Variants in ECT2L observed in about 807,000 individuals in gnomAD.
ECT2L encodes epithelial cell-transforming sequence 2 oncogene-like.
In ECT2L, 126 loss-of-function variants were observed where a neutral mutation model predicts 122.8. That is an observed-to-expected ratio of 1.03 (90% CI 0.89 to 1.19). The LOEUF (loss-of-function observed/expected upper bound fraction) is 1.19. Among genes scored for constraint, ECT2L ranks in the 50% most tolerant of loss-of-function variants. The pLI, the probability that ECT2L is intolerant of heterozygous loss-of-function variation, is 0.00. For missense variants in ECT2L, 1,012 were observed against 1,064.1 expected, an observed-to-expected ratio of 0.95 and a Z score of 0.68; for synonymous variants, 385 against 381.8, an observed-to-expected ratio of 1.01 and a Z score of -0.10.
chr6:138,846,713 G>T, intron 8 of ECT2L, 36 bp downstream of exon 8: 1 of 1,416,918 alleles, frequency 7.1e-7, no homozygotes, highest in Non-Finnish European at 9.3e-7. Context: ...TGTCCTGATT[G>T]TTTTTTTGTT....
At chr6:138,849,182 G>A (rs571119233) in intron 8 of ECT2L, 87 bp from the exon 9 acceptor site, 90 of 1,264,912 alleles carry the variant, frequency 7.1e-5, no homozygotes, top group African/African-American at 1.2e-4. Flanking sequence ...AAATCACGGC[G>A]TATTTTGTAT....
chr6:138,819,585 C>T (rs1776199291), intron 4 of ECT2L, among the ~76,000 whole-genome samples: 1 of 152,158 alleles, frequency 6.6e-6, no homozygotes, highest in Admixed American at 6.5e-5. Context: ...CACATAGCAG[C>T]CACTCAATAA....
chr6:138,882,123 A>G (rs1210572408), intron 15 of ECT2L, among the ~76,000 whole-genome samples: 2 of 152,228 alleles, frequency 1.3e-5, no homozygotes, highest in East Asian at 1.9e-4. Context: ...TTTCAAGTGC[A>G]TAACATGAGA....
chr6:138,841,551 G>C (rs1050259095), intron 5 of ECT2L, among the ~76,000 whole-genome samples: 1 of 152,170 alleles, frequency 6.6e-6, no homozygotes, highest in Non-Finnish European at 1.5e-5. Flanking sequence ...CCGTCTTAGT[G>C]GGCCCTAAAT....
chr6:138,803,076 CAA>C (rs57166230), intron 1 of ECT2L, among the ~76,000 whole-genome samples: 1 of 94,336 alleles, frequency 1.1e-5, no homozygotes, highest in Non-Finnish European at 2.0e-5. Flanking sequence ...GAGACTGTCT[CAA>C]AAAAAAAAAA....
At chr6:138,863,772 C>A (rs1173337713) in intron 11 of ECT2L, among the ~76,000 whole-genome samples, 3 of 151,552 alleles carry the variant, frequency 2.0e-5, no homozygotes, top group African/African-American at 7.3e-5. Flanking sequence ...TGTGCCACCA[C>A]GCCCGACTAA....
intron 3 of ECT2L, 61 bp from the exon 4 acceptor site, chr6:138,814,430 C>T: frequency 2.9e-6 from 3 of 1,039,678 alleles, no homozygotes; most frequent in Non-Finnish European, 4.3e-6. Flanking sequence ...CTAAAGATTG[C>T]TTAGCAATTA....
intron 10 of ECT2L, among the ~76,000 whole-genome samples, chr6:138,859,153 AATGGC>A (rs1380514476): frequency 3.3e-5 from 5 of 152,150 alleles, no homozygotes; most frequent in Non-Finnish European, 4.4e-5. Flanking sequence ...ATCTTCTATA[AATGGC>A]ATCATACAGT....
chr6:138,882,664 T>C, intron 15 of ECT2L, 60 bp from the exon 16 acceptor site: 1 of 1,589,512 alleles, frequency 6.3e-7, no homozygotes, highest in Non-Finnish European at 8.6e-7. Context: ...ACAATGGATA[T>C]TTGGGTTTGT....
chr6:138,822,646 G>A, intron 4 of ECT2L: 1 of 952,680 alleles, frequency 1.0e-6, no homozygotes, highest in Admixed American at 2.9e-5. Flanking sequence ...AACAGCTGGA[G>A]GAGCCAAGAT....
At chr6:138,821,553 G>A (rs553185156) in intron 4 of ECT2L, among the ~76,000 whole-genome samples, 2 of 152,358 alleles carry the variant, frequency 1.3e-5, no homozygotes, top group East Asian at 1.9e-4. Context: ...CCTTGATCAT[G>A]TGCTTTTCAG....
intron 5 of ECT2L, among the ~76,000 whole-genome samples, chr6:138,839,721 T>C (rs1776973100): frequency 6.6e-6 from 1 of 152,232 alleles, no homozygotes; most frequent in Admixed American, 6.5e-5. Context: ...ATCATTTTAC[T>C]ATTTATTTTT....
intron 20 of ECT2L, among the ~76,000 whole-genome samples, chr6:138,898,874 A>G (rs1376047367): frequency 6.6e-6 from 1 of 152,174 alleles, no homozygotes; most frequent in Non-Finnish European, 1.5e-5. Context: ...ACGTTTTTTG[A>G]TATACATACA....
At chr6:138,802,535 C>A (rs1419696556) in intron 1 of ECT2L, among the ~76,000 whole-genome samples, 1 of 152,112 alleles carries the variant, frequency 6.6e-6, no homozygotes, top group Non-Finnish European at 1.5e-5. Context: ...TCGTTGTGAA[C>A]ATTAAGCATA....
At chr6:138,874,075 C>G (rs541554107) in intron 13 of ECT2L, among the ~76,000 whole-genome samples, 1 of 152,296 alleles carries the variant, frequency 6.6e-6, no homozygotes, top group Admixed American at 6.5e-5. Context: ...TTCCTGAACT[C>G]TACCTGTCAT....
chr6:138,799,403 G>A (rs1426924908), intron 1 of ECT2L, among the ~76,000 whole-genome samples: 2 of 151,890 alleles, frequency 1.3e-5, no homozygotes, highest in African/African-American at 4.8e-5. Context: ...ACAGGCACCC[G>A]CCACCACGCC....
At chr6:138,840,943 C>T (rs1777019387) in intron 5 of ECT2L, among the ~76,000 whole-genome samples, 1 of 152,166 alleles carries the variant, frequency 6.6e-6, no homozygotes, top group African/African-American at 2.4e-5. Context: ...CTTTTATACA[C>T]ATTTTCCATT....
chr6:138,825,063 G>C (rs1168699864), intron 4 of ECT2L, among the ~76,000 whole-genome samples: 4 of 152,186 alleles, frequency 2.6e-5, no homozygotes, highest in East Asian at 1.9e-4. Flanking sequence ...ATGACTGTGA[G>C]AAGTGACAAA....
intron 13 of ECT2L, 60 bp from the exon 14 acceptor site, chr6:138,876,412 C>A: frequency 8.2e-7 from 1 of 1,222,524 alleles, no homozygotes; most frequent in Non-Finnish European, 1.2e-6. Context: ...GGGCACAGTA[C>A]TGAGTTTTCA....
Sources: allele counts gnomAD v4.1 joint callset (sites outside exome capture counted in the v4.1 genomes callset), GRCh38; gene constraint gnomAD v4.1.1; transcripts MANE v1.5; gene names NCBI Gene and HGNC (gene_info 2026-07-23, HGNC 2026-07-21).